The following ATCAY variants were observed in gnomAD, a reference collection of about 807,000 sequenced individuals.
ATCAY encodes the protein ATCAY kinesin light chain interacting caytaxin.
ATCAY carries 22 observed loss-of-function variants against 47.7 expected under a neutral mutation model. The ratio of observed to expected loss-of-function variants is 0.46; its 90% CI spans 0.33 to 0.66. The LOEUF (loss-of-function observed/expected upper bound fraction) is 0.66, where lower values mean the gene tolerates loss of function less well. Among genes scored for constraint, ATCAY ranks in the 30% least tolerant of loss-of-function variants. The pLI is 0.02. For missense variants in ATCAY, 452 were observed against 515.0 expected (o/e 0.88, Z 1.18); for synonymous variants, 216 against 207.6 (o/e 1.04, Z -0.35).
Position 3,907,881 on chromosome 19 carries a change from A to G in ATCAY, c.506A>G (p.His169Arg), listed in dbSNP as rs2038878385. The change falls in exon 5 of 13, where the codon CAC (histidine) becomes CGC (arginine). Residue 169 changes from histidine to arginine, a missense_variant. Coordinates refer to ENST00000450849, the MANE Select transcript of ATCAY (RefSeq NM_033064.5). This position sits in a 1 kb window ranked among gnomAD's most constrained non-coding sequence, Gnocchi z 5.1. Reference protein sequence around the residue: ...IGEQEHRIDLHMIRPYMKVVT... With the variant: ...IGEQEHRIDLRMIRPYMKVVT... ...GAGCAAGAGCACCGTATAGACCTGC[A>G]CATGATCCGGCCTTACATGAAAGTG... The G allele has an allele frequency of 3.7e-6, 6 of 1,613,942 alleles. No individual in the cohort carries two copies. The highest frequency in any genetic ancestry group is 1.6e-4 in the Middle Eastern group (1 of 6,062).
chr19:3,893,988 T>C (rs183786809), intron 2 of ATCAY, among the ~76,000 whole-genome samples: 23 of 152,100 alleles, frequency 1.5e-4, no homozygotes, highest in African/African-American at 5.3e-4. Flanking sequence ...GCCTCTGCAG[T>C]GCCTTCCATC....
chr19:3,897,877 C>T (rs973968508), intron 2 of ATCAY, among the ~76,000 whole-genome samples: 6 of 152,008 alleles, frequency 3.9e-5, no homozygotes, highest in African/African-American at 1.4e-4. Flanking sequence ...CACTGCACTC[C>T]AGCCTGGGCA....
Position 3,903,463 on chromosome 19 carries a change from G to A in ATCAY, c.136+918G>A, listed in dbSNP as rs1411467627. On this transcript the variant is annotated intron_variant, in intron 3 of 12. Coordinates refer to ENST00000450849, the MANE Select transcript of ATCAY (RefSeq NM_033064.5). Reference sequence around the variant, plus strand: ...AGAGGTGGGGTCTGGGGAGGACCTGGCAGCCAGCCCCACTTAACGACATTC... The same window carrying A: ...AGAGGTGGGGTCTGGGGAGGACCTGACAGCCAGCCCCACTTAACGACATTC... Among the ~76,000 whole-genome samples the A allele has an allele frequency of 4.6e-5, 7 of 152,206 alleles. No homozygotes were observed. In the East Asian group the frequency reaches 1.4e-3, roughly 29 times the overall value.
chr19:3,922,246 A>T (rs1375988982), intron 12 of ATCAY: 2 of 700,434 alleles, frequency 2.9e-6, no homozygotes, highest in Non-Finnish European at 5.2e-6. Context: ...GTCCATTCTC[A>T]TGCTGCTATG....
At chr19:3,886,547 G>A (rs1246470725) in intron 2 of ATCAY, among the ~76,000 whole-genome samples, 9 of 148,972 alleles carry the variant, frequency 6.0e-5, no homozygotes, top group African/African-American at 2.0e-4. Flanking sequence ...CCGAGATCGC[G>A]CCACTGCACT....
chr19:3,918,754 C>T lies in ATCAY; in HGVS notation c.1002-52C>T. On this transcript the variant is annotated intron_variant, in intron 10 of 12. Transcript: ENST00000450849. ...GCCAGTACTAGCTGAGAGCCCACCC[C>T]TTGGCCTGGCTGGGCTAGTCACCCT... 3 of 1,601,234 alleles carry T rather than the reference C, an allele frequency of 1.9e-6. No individual in the cohort carries two copies. The East Asian group carries it at 6.7e-5, about 36-fold the overall frequency.
At chr19:3,917,311 G>A (rs567872196) in intron 9 of ATCAY, among the ~76,000 whole-genome samples, 208 of 151,920 alleles carry the variant, frequency 1.4e-3, no homozygotes, top group Non-Finnish European at 2.4e-3. Flanking sequence ...GAGGCCGGGC[G>A]CGGTGGTTCG....
intron 11 of ATCAY, among the ~76,000 whole-genome samples, chr19:3,919,970 C>T (rs115313166): frequency 2.6e-4 from 40 of 152,292 alleles, no homozygotes; most frequent in African/African-American, 9.1e-4. Context: ...TGTTACGCAG[C>T]AGATGCACGC....
rs2038917646 is a variant in ATCAY, at chr19:3,910,963, GTGTGTGCA to G, written c.866+83_866+90del. On this transcript the variant is annotated intron_variant, in intron 8 of 12. Coordinates refer to ENST00000450849, the MANE Select transcript of ATCAY (RefSeq NM_033064.5). ...TGTGCGTGTGTGTATGCATGCATTT[GTGTGTGCA>G]TGTGTGCACGTGTGTGCGTGTGTGC... is the stretch of plus-strand genomic sequence containing the variant. 4.1e-6 allele frequency: 6 copies of G among 1,481,064 alleles called. No homozygotes were observed. The African/African-American group carries it at 8.3e-5, about 21-fold the overall frequency. 91.7% of individuals were successfully genotyped at this position (1,481,064 alleles called of 1,614,324 possible).
At chr19:3,901,944 C>T (rs1423871412) in intron 2 of ATCAY, among the ~76,000 whole-genome samples, 3 of 151,940 alleles carry the variant, frequency 2.0e-5, no homozygotes, top group South Asian at 2.1e-4. Context: ...TGCCGTGAGC[C>T]GAGATCATGC....
chr19:3,909,738 A>G (rs1317632365), intron 7 of ATCAY, 121 bp downstream of exon 7: 1 of 1,404,112 alleles, frequency 7.1e-7, no homozygotes, highest in Non-Finnish European at 9.6e-7. Flanking sequence ...AGGTCCCTTG[A>G]GCCCAGGAGT....
At chr19:3,886,319 G>A (rs535832353) in intron 2 of ATCAY, among the ~76,000 whole-genome samples, 10 of 152,232 alleles carry the variant, frequency 6.6e-5, no homozygotes, top group South Asian at 2.1e-4. Flanking sequence ...CATGCCGGGC[G>A]CAGTGACTCA....
intron 8 of ATCAY, 122 bp downstream of exon 8, chr19:3,911,011 G>C: frequency 9.4e-7 from 1 of 1,069,192 alleles, no homozygotes; most frequent in Non-Finnish European, 1.4e-6. Context: ...GTGTGTGTGT[G>C]CATCCATGTG....
chr19:3,913,751 C>G lies in ATCAY; in HGVS notation c.867-7C>G, dbSNP rs371484034. 1 of 1,613,170 alleles carries G rather than the reference C, an allele frequency of 6.2e-7. No individual in the cohort carries two copies. Among genetic ancestry groups the G allele is most frequent in the Non-Finnish European group, 8.5e-7 (1 of 1,179,454 alleles). ...TTCAGACCTCTCCCTCCTTCTCCCCCCGCCAGCGTCAAGTTCATCAACAAG... is the reference window on the plus strand; with the variant it reads ...TTCAGACCTCTCCCTCCTTCTCCCCGCGCCAGCGTCAAGTTCATCAACAAG... On this transcript the variant is annotated splice_polypyrimidine_tract_variant and splice_region_variant and intron_variant, in intron 8 of 12. Coordinates refer to ENST00000450849, the MANE Select transcript of ATCAY (RefSeq NM_033064.5).
chr19:3,887,265 C>G (rs2145221367), intron 2 of ATCAY, among the ~76,000 whole-genome samples: 1 of 151,496 alleles, frequency 6.6e-6, no homozygotes, highest in Middle Eastern at 3.4e-3. Context: ...CGAAACCAGC[C>G]TGGGCAAGAT....
chr19:3,889,505 G>A (rs2038694342), intron 2 of ATCAY, among the ~76,000 whole-genome samples: 1 of 152,128 alleles, frequency 6.6e-6, no homozygotes, highest in African/African-American at 2.4e-5. Context: ...GCTGAGGCAG[G>A]AGGATTGTTT....
Position 3,907,348 on chromosome 19 carries a change from G to A in ATCAY, c.359-386G>A, listed in dbSNP as rs1329488361. Among the ~76,000 whole-genome samples the A allele has an allele frequency of 6.6e-6, 1 of 152,156 alleles. No homozygotes were observed. The highest frequency in any genetic ancestry group is 1.5e-5 in the Non-Finnish European group (1 of 68,020). ...AGTCCCAGGTATCTGGGAGGCTGAG[G>A]CAGGAGGACTGCTCTCTGTGTGCCA... On this transcript the variant is annotated intron_variant, in intron 4 of 12. Transcript: ENST00000450849. The surrounding 1 kb of genome is among the most constrained non-coding windows in gnomAD (Gnocchi z 5.1).
chr19:3,904,046 A>G (rs8111478), intron 3 of ATCAY, among the ~76,000 whole-genome samples: 147,876 of 151,724 alleles, frequency 0.97, 72,082 homozygotes, highest in Middle Eastern at 1. Flanking sequence ...CCAGTCACTC[A>G]GGAGGCTGAG....
At chr19:3,899,027 T>C (rs1385227031) in intron 2 of ATCAY, among the ~76,000 whole-genome samples, 2 of 152,162 alleles carry the variant, frequency 1.3e-5, no homozygotes, top group African/African-American at 4.8e-5. Flanking sequence ...TTATGAATTA[T>C]GTTCATTCAA....
Sources: allele counts gnomAD v4.1 joint callset (sites outside exome capture counted in the v4.1 genomes callset), GRCh38; gene constraint gnomAD v4.1.1; non-coding constraint Gnocchi (gnomAD v3.1); transcripts MANE v1.5; gene names NCBI Gene and HGNC (gene_info 2026-07-23, HGNC 2026-07-21).